TBCK: variants seen among roughly 807,000 people sequenced by gnomAD.
TBCK encodes the protein TBC1 domain containing kinase, also known as TBC domain-containing protein kinase-like protein.
TBCK carries 99 observed loss-of-function variants against 113.4 expected under a neutral mutation model. The ratio of observed to expected loss-of-function variants is 0.87; its 90% CI spans 0.74 to 1.03. The LOEUF is 1.03. TBCK is among the 50% of genes least tolerant of loss of function. The pLI is 0.00. For synonymous variants in TBCK, 369 were observed against 370.8 expected (o/e 1.00, Z 0.05); for missense variants, 1,045 against 1,061.3 (o/e 0.98, Z 0.21).
chr4:106,098,883 G>A (rs988163407), intron 24 of TBCK, among the ~76,000 whole-genome samples: 6 of 152,046 alleles, frequency 3.9e-5, no homozygotes, highest in Non-Finnish European at 7.4e-5. Flanking sequence ...GTATTTGAAT[G>A]TGTGCTAAGA....
chr4:106,127,125 T>C (rs900204919), intron 23 of TBCK, among the ~76,000 whole-genome samples: 10 of 150,544 alleles, frequency 6.6e-5, no homozygotes, highest in Non-Finnish European at 4.4e-5. Flanking sequence ...GGAGAATCGC[T>C]TGAACCCAGG....
chr4:106,240,688 T>G (rs571395611), intron 12 of TBCK, among the ~76,000 whole-genome samples: 1 of 152,146 alleles, frequency 6.6e-6, no homozygotes, highest in South Asian at 2.1e-4. Context: ...TCTATACATT[T>G]TACTATATGA....
chr4:106,229,307 G>A (rs1353284288), intron 19 of TBCK, among the ~76,000 whole-genome samples: 3 of 151,762 alleles, frequency 2.0e-5, no homozygotes, highest in South Asian at 2.1e-4. Context: ...GGTATTACTC[G>A]ACATCTTTGC....
At chr4:106,295,435 G>C (rs751106992) in intron 2 of TBCK, among the ~76,000 whole-genome samples, 14 of 151,570 alleles carry the variant, frequency 9.2e-5, no homozygotes, top group Non-Finnish European at 1.9e-4. Context: ...ACTGTCCTTG[G>C]GGAAAAAAAT....
In TBCK at chr4:106,042,755, G is replaced by A. The variant is rs964667601; in HGVS notation, c.*3815C>T. ...TCTGGCACCACTGTGTCCTCTAAAA[G>A]TTTTATATAATTCATTGTTTTCCTT... On this transcript the variant is annotated 3_prime_UTR_variant, in exon 26 of 26. Transcript: ENST00000394708. 15 of 152,112 alleles carry A rather than the reference G, an allele frequency of 9.9e-5. No homozygotes were observed. The highest frequency in any genetic ancestry group is 3.4e-4 in the African/African-American group (14 of 41,426). 9.4% of individuals were successfully genotyped at this position (152,112 alleles called of 1,614,324 possible).
chr4:106,265,288 G>T (rs75648926), intron 3 of TBCK, among the ~76,000 whole-genome samples: 2,481 of 151,802 alleles, frequency 0.016, 32 homozygotes, highest in Middle Eastern at 0.088. Context: ...TATCTATGAG[G>T]TACATGAGTT....
At chr4:106,270,713 T>C (rs1763398697) in intron 3 of TBCK, among the ~76,000 whole-genome samples, 1 of 152,166 alleles carries the variant, frequency 6.6e-6, no homozygotes, top group Admixed American at 6.5e-5. Flanking sequence ...CCATCTCAAA[T>C]AATGAATGGG....
intron 25 of TBCK, among the ~76,000 whole-genome samples, chr4:106,076,485 A>AGGTT (rs1227303166): frequency 6.6e-6 from 1 of 152,190 alleles, no homozygotes; most frequent in Non-Finnish European, 1.5e-5. Context: ...CTTTAGTGAG[A>AGGTT]GGTTGTCATG....
chr4:106,290,732 G>C (rs537454764), intron 3 of TBCK, among the ~76,000 whole-genome samples: 1 of 152,256 alleles, frequency 6.6e-6, no homozygotes, highest in African/African-American at 2.4e-5. Context: ...TGTGCAGCAG[G>C]CAAGCCAGCA....
At chr4:106,309,546 C>T (rs919395822) in intron 1 of TBCK, among the ~76,000 whole-genome samples, 1 of 151,938 alleles carries the variant, frequency 6.6e-6, no homozygotes, top group Non-Finnish European at 1.5e-5. Flanking sequence ...TCGTGATCCA[C>T]CCGCCTCGGC....
intron 3 of TBCK, among the ~76,000 whole-genome samples, chr4:106,263,045 C>T (rs968915838): frequency 1.3e-5 from 2 of 151,918 alleles, no homozygotes; most frequent in African/African-American, 2.4e-5. Context: ...GTTCAAATCT[C>T]AGAGCATAAG....
chr4:106,161,523 GA>G (rs1749788772), intron 23 of TBCK, among the ~76,000 whole-genome samples: 1 of 152,106 alleles, frequency 6.6e-6, no homozygotes, highest in African/African-American at 2.4e-5. Context: ...GAAGTAAAAG[GA>G]AATAGGAGAA....
chr4:106,160,571 A>G (rs753656066), intron 23 of TBCK, among the ~76,000 whole-genome samples: 1 of 151,836 alleles, frequency 6.6e-6, no homozygotes, highest in African/African-American at 2.4e-5. Context: ...CACATTTATT[A>G]TTCAAAAAAA....
At chr4:106,297,634 A>G (rs1766447094) in intron 2 of TBCK, 1 of 152,204 alleles carries the variant, frequency 6.6e-6, no homozygotes. Context: ...CTCTAGCTTC[A>G]TCTATATTAT....
chr4:106,309,444 A>G (rs1362539070), intron 1 of TBCK, among the ~76,000 whole-genome samples: 1 of 150,832 alleles, frequency 6.6e-6, no homozygotes, highest in Non-Finnish European at 1.5e-5. Context: ...TCCCGAGTAG[A>G]GGCACCCACG....
rs376256642 is a variant in TBCK, at chr4:106,071,641, C to G, written c.2571+23841G>C. On this transcript the variant is annotated intron_variant, in intron 25 of 25. Transcript: ENST00000394708. Reference sequence around the variant, plus strand: ...GCTTGGTGCAGAGGTGAGTTCAAGTCCTGGATATCCTTGTTAACCTTCTGT... The same window carrying G: ...GCTTGGTGCAGAGGTGAGTTCAAGTGCTGGATATCCTTGTTAACCTTCTGT... Among the ~76,000 whole-genome samples the G allele has an allele frequency of 1.1e-4, 17 of 152,254 alleles. No homozygotes were observed. The East Asian group carries it at 3.1e-3, about 28-fold the overall frequency.
intron 19 of TBCK, among the ~76,000 whole-genome samples, chr4:106,223,356 C>T (rs1020394828): frequency 4.6e-5 from 7 of 152,060 alleles, no homozygotes; most frequent in African/African-American, 1.4e-4. Context: ...GTATGTCTGT[C>T]TTCCTCTTTC....
At chr4:106,301,681 T>C (rs1329221946) in intron 2 of TBCK, among the ~76,000 whole-genome samples, 5 of 152,194 alleles carry the variant, frequency 3.3e-5, no homozygotes, top group Admixed American at 2.6e-4. Context: ...GAAAACATAA[T>C]GTTACTAAAA....
chr4:106,060,912 G>C lies in TBCK; in HGVS notation c.2572-14232C>G, dbSNP rs575952505. 2.0e-5 allele frequency among the ~76,000 whole-genome samples: 3 copies of C among 151,856 alleles called. No homozygotes were observed. The South Asian group carries it at 6.2e-4, about 32-fold the overall frequency. On this transcript the variant is annotated intron_variant, in intron 25 of 25. Transcript: ENST00000394708. Reference sequence around the variant, plus strand: ...CTTTGAGGAGTTCAAGACTTCAGTGGAGGTAGAAAGTGCAGATATGGTGGA... The same window carrying C: ...CTTTGAGGAGTTCAAGACTTCAGTGCAGGTAGAAAGTGCAGATATGGTGGA...
Sources: gnomAD v4.1 joint callset for allele counts (sites outside exome capture counted in the v4.1 genomes callset) on GRCh38, gnomAD v4.1.1 for gene constraint, MANE v1.5 for transcripts, NCBI Gene and HGNC (gene_info 2026-07-23, HGNC 2026-07-21) for gene names.